Variants in APOLD1 observed in about 807,000 individuals in gnomAD.
APOLD1 encodes apolipoprotein L domain containing 1.
In APOLD1, 22 loss-of-function variants were observed where a neutral mutation model predicts 15.3. The ratio of observed to expected loss-of-function variants is 1.44; its 90% CI spans 1.03 to 2.05. APOLD1 has a LOEUF of 2.05. Ranked by LOEUF, APOLD1 falls within the 30% of genes most tolerant of loss-of-function variation. APOLD1 has a pLI of 0.00. For missense variants in APOLD1, 394 were observed against 353.5 expected (o/e 1.11, Z -0.92); for synonymous variants, 190 against 167.4 (o/e 1.13, Z -1.04).
chr12:12,761,830 T>TAGAGAGAGAGAGAG (rs6144616), intron 1 of APOLD1, among the ~76,000 whole-genome samples: 5,349 of 114,462 alleles, frequency 0.047, 282 homozygotes, highest in East Asian at 0.093. Context: ...TGTATATGTA[T>TAGAGAGAGAGAGAG]AGAGAGAGAG....
upstream of APOLD1, among the ~76,000 whole-genome samples, chr12:12,783,705 C>T (rs1202741563): frequency 6.7e-6 from 1 of 149,234 alleles, no homozygotes; most frequent in Non-Finnish European, 1.5e-5. Context: ...ACCATTATAG[C>T]TCACTGCAGC....
chr12:12,728,148 G>A (rs1281932293), intron 1 of APOLD1, among the ~76,000 whole-genome samples: 1 of 150,796 alleles, frequency 6.6e-6, no homozygotes, highest in Non-Finnish European at 1.5e-5. Flanking sequence ...TTTTACTTTT[G>A]TAGAGATGGG....
At chr12:12,752,123 A>AT (rs1294149002) in intron 1 of APOLD1, among the ~76,000 whole-genome samples, 3 of 152,148 alleles carry the variant, frequency 2.0e-5, no homozygotes, top group African/African-American at 4.8e-5. Context: ...ATTTGTGGTA[A>AT]TTTTTTACAG....
At chr12:12,761,558 A>T (rs973557712) in intron 1 of APOLD1, among the ~76,000 whole-genome samples, 1 of 152,112 alleles carries the variant, frequency 6.6e-6, no homozygotes, top group African/African-American at 2.4e-5. Flanking sequence ...AGAAATACTC[A>T]TAAGCATATA....
At chr12:12,732,489 CTGAGG>C (rs1448104419) in intron 1 of APOLD1, among the ~76,000 whole-genome samples, 1 of 152,062 alleles carries the variant, frequency 6.6e-6, no homozygotes, top group Non-Finnish European at 1.5e-5. Context: ...CTTTGGGAGG[CTGAGG>C]CGAGAGGATC....
At chr12:12,770,552 A>T (rs547959314) in intron 1 of APOLD1, among the ~76,000 whole-genome samples, 1 of 148,240 alleles carries the variant, frequency 6.7e-6, no homozygotes, top group African/African-American at 2.5e-5. Context: ...TGAAAAACAA[A>T]GAGAAAAAAA....
chr12:12,754,312 C>T (rs905860773), intron 1 of APOLD1, among the ~76,000 whole-genome samples: 3 of 151,894 alleles, frequency 2.0e-5, no homozygotes, highest in Non-Finnish European at 4.4e-5. Context: ...GTGGGATTGT[C>T]CCAGCCTCCC....
chr12:12,729,357 A>T (rs79244953), intron 1 of APOLD1, among the ~76,000 whole-genome samples: 2,097 of 42,026 alleles, frequency 0.05, 18 homozygotes, highest in Non-Finnish European at 0.074. Flanking sequence ...AAGGATTTTT[A>T]AAAAAATCTC....
intron 1 of APOLD1, among the ~76,000 whole-genome samples, chr12:12,731,096 G>T (rs528327322): frequency 6.6e-6 from 1 of 152,120 alleles, no homozygotes; most frequent in South Asian, 2.1e-4. Flanking sequence ...GGCCGAGATC[G>T]CACCACTGCA....
upstream of APOLD1, chr12:12,785,500 C>A: frequency 2.5e-6 from 2 of 800,610 alleles, no homozygotes; most frequent in South Asian, 3.6e-5. Flanking sequence ...ACGGGATGTG[C>A]TGTGCTGGCA....
chr12:12,781,608 A>G (rs1286838207), upstream of APOLD1, among the ~76,000 whole-genome samples: 1 of 150,170 alleles, frequency 6.7e-6, no homozygotes, highest in Non-Finnish European at 1.5e-5. Context: ...GCTCACTGCA[A>G]GCTCCACCTC....
intron 1 of APOLD1, among the ~76,000 whole-genome samples, chr12:12,748,227 G>A (rs1000072639): frequency 2.0e-5 from 3 of 152,184 alleles, no homozygotes; most frequent in African/African-American, 4.8e-5. Flanking sequence ...TATGGACCAC[G>A]GAGCATTAGT....
intron 1 of APOLD1, among the ~76,000 whole-genome samples, chr12:12,740,972 A>G (rs1366719339): frequency 1.3e-5 from 2 of 152,180 alleles, no homozygotes; most frequent in Admixed American, 6.5e-5. Context: ...GTATTTAAAT[A>G]GCCATGATGA....
chr12:12,774,381 C>T (rs1198506318), intron 1 of APOLD1, among the ~76,000 whole-genome samples: 1 of 151,148 alleles, frequency 6.6e-6, no homozygotes, highest in African/African-American at 2.4e-5. Context: ...CCCGTCTCTA[C>T]CAAAAACTAC....
rs555323179 is a variant in APOLD1 at position 12,767,937 on chromosome 12, C to T, written c.97-18972C>T. ...AGTAGCTGGGACTACAGGCACGTGC[C>T]ACCATGACTGGCTAATTTTTTTATT... On this transcript the variant is annotated intron_variant, in intron 1 of 1. Transcript: ENST00000326765. Among the ~76,000 whole-genome samples the T allele has an allele frequency of 4.4e-4, 67 of 152,066 alleles. 1 individual carries two copies. The highest frequency in any genetic ancestry group is 6.8e-3 in the Middle Eastern group (2 of 294).
intron 1 of APOLD1, among the ~76,000 whole-genome samples, chr12:12,736,377 A>G (rs950907742): frequency 1.9e-4 from 28 of 149,866 alleles, no homozygotes; most frequent in African/African-American, 6.9e-4. Context: ...AAACAAAAAA[A>G]CTAGCTGGGC....
In APOLD1 at chr12:12,751,511, C is replaced by T. The variant is rs1056550930; in HGVS notation, c.96+25415C>T. On this transcript the variant is annotated intron_variant, in intron 1 of 1. Coordinates refer to the APOLD1 transcript ENST00000326765. The stretch of plus-strand genomic sequence containing the variant: ...GACTACAGGGGCGTTCAACCATGCC[C>T]CACTAATTTTTAAATTTTCAGAAGA... Among the ~76,000 whole-genome samples the T allele has an allele frequency of 2.6e-5, 4 of 152,070 alleles. No individual in the cohort carries two copies. In the South Asian group the frequency reaches 6.2e-4, roughly 24 times the overall value.
intron 1 of APOLD1, 48 bp from the exon 2 acceptor site, chr12:12,786,861 C>G: frequency 7.3e-7 from 1 of 1,364,086 alleles, no homozygotes; most frequent in Non-Finnish European, 9.4e-7. Flanking sequence ...GCGGGAGCGG[C>G]GGCTGGCACG....
At chr12:12,740,870 C>T (rs1164817453) in intron 1 of APOLD1, among the ~76,000 whole-genome samples, 1 of 152,144 alleles carries the variant, frequency 6.6e-6, no homozygotes, top group Non-Finnish European at 1.5e-5. Context: ...GGCACGGTGG[C>T]TCACGCCTGT....
Sources: gnomAD v4.1 joint callset for allele counts (sites outside exome capture counted in the v4.1 genomes callset) on GRCh38, gnomAD v4.1.1 for gene constraint, MANE v1.5 for transcripts, NCBI Gene and HGNC (gene_info 2026-07-23, HGNC 2026-07-21) for gene names.